Variants in AFDN observed in about 807,000 individuals in gnomAD.
AFDN encodes the protein afadin, adherens junction formation factor.
AFDN carries 68 observed loss-of-function variants against 216.6 expected under a neutral mutation model. The observed-to-expected ratio is 0.31, with a 90% CI of 0.26 to 0.38. The LOEUF is 0.38. Ranked by LOEUF, AFDN falls within the 10% of genes least tolerant of loss-of-function variation. AFDN has a pLI of 1.00. For missense variants in AFDN, 2,136 were observed against 2,342.0 expected (o/e 0.91, Z 1.82); for synonymous variants, 868 against 853.7 (o/e 1.02, Z -0.29).
chr6:167,962,408 G>A lies in AFDN; in HGVS notation c.4834-25G>A. 1 of 1,612,618 alleles carries A rather than the reference G, an allele frequency of 6.2e-7. No homozygotes were observed. The highest frequency in any genetic ancestry group is 1.1e-5 in the South Asian group (1 of 91,010). On this transcript the variant is annotated intron_variant, in intron 30 of 33. Coordinates refer to ENST00000683244, the MANE Select transcript of AFDN (RefSeq NM_001386888.1). The surrounding 1 kb of genome is among the most constrained non-coding windows in gnomAD (Gnocchi z 5.2). The stretch of plus-strand genomic sequence containing the variant: ...CTTGTGCTGGTGGAGTTTGTGGAGG[G>A]AGATTAATGTCAGCCTGTTGTTAGT...
In AFDN at chr6:167,952,108, A is replaced by G. The variant is rs1406328452; in HGVS notation, c.4754A>G (p.Glu1585Gly). ...KRLQESKQKD[E>G]DDEEEEDDDV... ...CTCCAGGAGTCGAAGCAGAAGGACG[A>G]AGATGACGAGGAGGAGGAGGACGAT... is the stretch of plus-strand genomic sequence containing the variant. Residue 1585 changes from glutamate to glycine, a missense_variant, in exon 30 of 34, where the codon GAA becomes GGA. Transcript: ENST00000683244. 1.2e-6 allele frequency: 2 copies of G among 1,614,012 alleles called. No homozygotes were observed. Among genetic ancestry groups the G allele is most frequent in the Non-Finnish European group, 1.7e-6 (2 of 1,180,022 alleles).
chr6:167,830,933 C>CTTTT (rs71681602), intron 1 of AFDN, among the ~76,000 whole-genome samples: 938 of 79,336 alleles, frequency 0.012, 218 homozygotes, highest in African/African-American at 0.043. Flanking sequence ...ATATTTGAAA[C>CTTTT]TTTTTTTTTT....
Position 167,907,159 on chromosome 6 carries a change from C to G in AFDN, c.1651-12C>G. The G allele has an allele frequency of 6.2e-7, 1 of 1,607,882 alleles. No individual in the cohort carries two copies. Among genetic ancestry groups the G allele is most frequent in the Non-Finnish European group, 8.5e-7 (1 of 1,175,164 alleles). ...TGAGGTTCTAAACCCGTTGTGCTTT[C>G]TCTCCATGTAGAGCACCACTAGGCT... On this transcript the variant is annotated splice_polypyrimidine_tract_variant and intron_variant, in intron 12 of 33. Coordinates refer to ENST00000683244, the MANE Select transcript of AFDN (RefSeq NM_001386888.1).
chr6:167,923,124 G>A (rs1286255797), intron 22 of AFDN, 165 bp downstream of exon 22: 9 of 539,160 alleles, frequency 1.7e-5, no homozygotes, highest in Admixed American at 3.7e-5. Context: ...TCATATATAT[G>A]TATTTTTTCC....
chr6:167,834,509 A>T (rs1438453595), intron 1 of AFDN, among the ~76,000 whole-genome samples: 24 of 141,656 alleles, frequency 1.7e-4, no homozygotes, highest in African/African-American at 6.4e-4. Flanking sequence ...TAGATGGAAC[A>T]CTGGACTACA....
At chr6:167,873,262 A>G (rs989618157) in intron 4 of AFDN, among the ~76,000 whole-genome samples, 8 of 152,242 alleles carry the variant, frequency 5.3e-5, no homozygotes, top group African/African-American at 1.4e-4. Flanking sequence ...TTTTTTCTCT[A>G]TAAATGTTTC....
At chr6:167,878,530 G>A (rs1349071270) in intron 5 of AFDN, among the ~76,000 whole-genome samples, 1 of 152,048 alleles carries the variant, frequency 6.6e-6, no homozygotes, top group East Asian at 1.9e-4. Context: ...TTAGACATAT[G>A]CACGCAGACA....
chr6:167,844,866 T>TTTTTTTTTTG lies in AFDN; in HGVS notation c.105+17633_105+17634insTTTTTGTTTT, dbSNP rs1399027374. Among the ~76,000 whole-genome samples the TTTTTTTTTTG allele has an allele frequency of 1.3e-4, 18 of 135,978 alleles. 2 individuals carry two copies. Among genetic ancestry groups the TTTTTTTTTTG allele is most frequent in the Non-Finnish European group, 1.6e-4 (10 of 63,626 alleles). 89.2% of individuals were successfully genotyped at this position (135,978 alleles called of 152,430 possible). A position where few individuals can be genotyped will look rare whatever the true frequency, so the allele number is the denominator to read the frequency against. On this transcript the variant is annotated intron_variant, in intron 1 of 33. Transcript: ENST00000683244. ...TTTCTTTTCTTTTTTTTTTTTTTTT[T>TTTTTTTTTTG]TTTTGGTTTTTGAGACAGGGTCTCA... is the stretch of plus-strand genomic sequence containing the variant.
chr6:167,865,385 A>C (rs1342363544), intron 2 of AFDN, among the ~76,000 whole-genome samples: 1 of 152,056 alleles, frequency 6.6e-6, no homozygotes, highest in Non-Finnish European at 1.5e-5. Context: ...TAATCCTGAC[A>C]CTTTGGGAGG....
Position 167,875,496 on chromosome 6 carries a change from G to A in AFDN, c.739+1G>A. On this transcript the variant is annotated splice_donor_variant, in intron 5 of 33. Transcript: ENST00000683244. LOFTEE classifies it high-confidence loss of function. ...AGCTCAGATGGGCGGCCTGATTCAG[G>A]TACAACTTGGTATTTTTTCTCTGTT... 1 of 1,613,108 alleles carries A rather than the reference G, an allele frequency of 6.2e-7. No individual in the cohort carries two copies. The highest frequency in any genetic ancestry group is 2.2e-5 in the East Asian group (1 of 44,872).
At chr6:167,882,040 G>A (rs1469723370) in intron 6 of AFDN, among the ~76,000 whole-genome samples, 1 of 152,080 alleles carries the variant, frequency 6.6e-6, no homozygotes, top group Non-Finnish European at 1.5e-5. Flanking sequence ...CCTTTAAAAC[G>A]GGGACAGATA....
intron 22 of AFDN, among the ~76,000 whole-genome samples, chr6:167,923,528 C>T (rs1792089629): frequency 6.6e-6 from 1 of 151,992 alleles, no homozygotes; most frequent in Non-Finnish European, 1.5e-5. Flanking sequence ...CATATCATGG[C>T]CATCTCCAGA....
chr6:167,871,662 A>G (rs950762090), intron 3 of AFDN, among the ~76,000 whole-genome samples: 1 of 152,224 alleles, frequency 6.6e-6, no homozygotes, highest in Non-Finnish European at 1.5e-5. Flanking sequence ...GCAAGCAAAT[A>G]AATCAGATCT....
At position 167,944,068 on chromosome 6, in the gene AFDN, C is replaced by T. The variant is rs1794995712; in HGVS notation, c.3358+9C>T. 2.5e-6 allele frequency: 4 copies of T among 1,602,112 alleles called. No individual in the cohort carries two copies. Among genetic ancestry groups the T allele is most frequent in the African/African-American group, 1.3e-5 (1 of 74,662 alleles). On this transcript the variant is annotated intron_variant, in intron 26 of 33. Transcript: ENST00000683244. ...CCCCATGATGCAGAGAAGTAAGGACCAGTAGGGAAACAACAGTGTTTTACA... is the reference window on the plus strand; with the variant it reads ...CCCCATGATGCAGAGAAGTAAGGACTAGTAGGGAAACAACAGTGTTTTACA...
chr6:167,939,195 C>G (rs1035827723), intron 23 of AFDN, among the ~76,000 whole-genome samples: 1 of 152,072 alleles, frequency 6.6e-6, no homozygotes, highest in African/African-American at 2.4e-5. Flanking sequence ...AAACATTTTT[C>G]TTGTCAGAGA....
At chr6:167,865,696 A>G (rs1784098786) in intron 2 of AFDN, among the ~76,000 whole-genome samples, 2 of 152,236 alleles carry the variant, frequency 1.3e-5, no homozygotes, top group African/African-American at 2.4e-5. Flanking sequence ...TGTTTTAATA[A>G]AATACAGATT....
Position 167,952,165 on chromosome 6 carries a change from T to G in AFDN, c.4811T>G (p.Leu1604Arg). 6.2e-7 allele frequency: 1 copy of G among 1,614,162 alleles called. No individual in the cohort carries two copies. The highest frequency in any genetic ancestry group is 8.5e-7 in the Non-Finnish European group (1 of 1,180,032). Reference sequence around the variant, plus strand: ...GACACCATGCTGATCATGCAGCGCCTGGAGGCTGAACGAAGAGCGAGGGTA... The same window carrying G: ...GACACCATGCTGATCATGCAGCGCCGGGAGGCTGAACGAAGAGCGAGGGTA... ...DVDTMLIMQR[L>R]EAERRARLQD... The change falls in exon 30 of 34, where the codon CTG becomes CGG. Residue 1604 changes from leucine (L) to arginine (R), a missense_variant. By Grantham distance (102) the Leu-to-Arg change is moderately radical (BLOSUM62 -2). Coordinates refer to ENST00000683244, the MANE Select transcript of AFDN (RefSeq NM_001386888.1).
At chr6:167,877,740 A>C (rs1048878222) in intron 5 of AFDN, among the ~76,000 whole-genome samples, 1 of 152,200 alleles carries the variant, frequency 6.6e-6, no homozygotes. Context: ...TTAATTCTTT[A>C]GTGTGGGCTG....
intron 30 of AFDN, chr6:167,952,566 G>A (rs1796113298): frequency 1.1e-6 from 1 of 940,604 alleles, no homozygotes; most frequent in Non-Finnish European, 1.3e-6. Context: ...TGATACTTTA[G>A]GCTTTGCAGG....
Sources: allele counts gnomAD v4.1 joint callset (sites outside exome capture counted in the v4.1 genomes callset), GRCh38; gene constraint gnomAD v4.1.1; non-coding constraint Gnocchi (gnomAD v3.1); transcripts MANE v1.5; gene names NCBI Gene and HGNC (gene_info 2026-07-23, HGNC 2026-07-21).